Variants in PRDM15 observed in about 807,000 individuals in gnomAD.
PRDM15 encodes the protein PR/SET domain 15, also known as PR domain zinc finger protein 15.
A neutral mutation model predicts 128.6 loss-of-function variants in PRDM15; 64 were observed. The ratio of observed to expected loss-of-function variants is 0.50; its 90% CI spans 0.41 to 0.61. The LOEUF (loss-of-function observed/expected upper bound fraction) is 0.61. PRDM15 is among the 20% of genes least tolerant of loss of function. The pLI, the probability that PRDM15 is intolerant of heterozygous loss-of-function variation, is 0.00. For synonymous variants in PRDM15, 615 were observed against 621.8 expected (o/e 0.99, Z 0.16); for missense variants, 1,242 against 1,569.1 (o/e 0.79, Z 3.52).
rs202208616 is a variant in PRDM15 at position 41,861,999 on chromosome 21, C to T, written c.-9-1627G>A. On this transcript the variant is annotated intron_variant, in intron 1 of 23. Coordinates refer to ENST00000398548, the MANE Select transcript of PRDM15 (RefSeq NM_001040424.3). ...TCATAGCCGCATTCGGCCTTGCCTG[C>T]CCCAGTTCCTGTGGATGGGCACCTC... 286 of 1,612,192 alleles carry T rather than the reference C, an allele frequency of 1.8e-4. No homozygotes were observed. Among genetic ancestry groups the T allele is most frequent in the Admixed American group, 8.9e-4 (53 of 59,848 alleles).
Position 41,833,104 on chromosome 21 carries a change from G to T in PRDM15, c.1366+2333C>A, listed in dbSNP as rs550958965. On this transcript the variant is annotated intron_variant, in intron 11 of 23. Coordinates refer to ENST00000398548, the MANE Select transcript of PRDM15 (RefSeq NM_001040424.3). ...TGCAGGGCACCTGGGGATGGAGAGG[G>T]GATTATTGGGGGAGGCTGGTGGGCC... 1.4e-4 allele frequency among the ~76,000 whole-genome samples: 22 copies of T among 152,306 alleles called. No homozygotes were observed. In the South Asian group the frequency reaches 4.2e-3, roughly 29 times the overall value.
At chr21:41,843,435 C>T (rs941793128) in intron 6 of PRDM15, among the ~76,000 whole-genome samples, 4 of 152,146 alleles carry the variant, frequency 2.6e-5, no homozygotes, top group African/African-American at 9.7e-5. Flanking sequence ...TGCTCCTTTC[C>T]CTCAAAGGAT....
intron 1 of PRDM15, chr21:41,871,658 G>A: frequency 6.3e-7 from 1 of 1,582,362 alleles, no homozygotes; most frequent in South Asian, 1.1e-5. Flanking sequence ...GTAGACATGA[G>A]AAGCCCACTG....
chr21:41,871,627 G>C (rs1260555457), intron 1 of PRDM15: 11 of 1,604,538 alleles, frequency 6.9e-6, no homozygotes, highest in Non-Finnish European at 9.4e-6. Context: ...GGGACCTGTA[G>C]GCCAACAGTG....
chr21:41,830,910 C>G (rs988678904), intron 11 of PRDM15, among the ~76,000 whole-genome samples: 1 of 152,214 alleles, frequency 6.6e-6, no homozygotes, highest in Non-Finnish European at 1.5e-5. Flanking sequence ...CCTCACTGCC[C>G]AGTCCCTCAC....
intron 11 of PRDM15, among the ~76,000 whole-genome samples, chr21:41,833,474 C>T (rs1414799290): frequency 1.3e-5 from 2 of 152,234 alleles, no homozygotes; most frequent in Non-Finnish European, 2.9e-5. Context: ...GTGACTCCCA[C>T]ATTCTTGGTT....
At chr21:41,801,843 G>A (rs1855934221) in intron 23 of PRDM15, 121 bp from the exon 24 acceptor site, 2 of 1,133,800 alleles carry the variant, frequency 1.8e-6, no homozygotes, top group South Asian at 1.7e-5. Flanking sequence ...TGGTGAAAGA[G>A]GAAACCGAGT....
At chr21:41,868,630 A>G (rs1398941610) in intron 1 of PRDM15, among the ~76,000 whole-genome samples, 1 of 151,280 alleles carries the variant, frequency 6.6e-6, no homozygotes, top group African/African-American at 2.4e-5. Flanking sequence ...ACATGTATTA[A>G]TATTAATAAA....
chr21:41,839,462 G>A (rs1179100365), intron 7 of PRDM15, among the ~76,000 whole-genome samples, 161 bp downstream of exon 7: 1 of 152,200 alleles, frequency 6.6e-6, no homozygotes. Flanking sequence ...CTTTACTAGA[G>A]TTGATTGAGA....
rs773926508 is a variant in PRDM15 at position 41,867,348 on chromosome 21, TC to T, written c.-9-6977del. ...AGGGCTGGGGGCAGATTTTCCTGGTTCCCCCAGGAAAAGTTTTGTGCAAAGG... is the reference window on the plus strand; with the variant it reads ...AGGGCTGGGGGCAGATTTTCCTGGTTCCCCAGGAAAAGTTTTGTGCAAAGG... On this transcript the variant is annotated intron_variant, in intron 1 of 23. Coordinates refer to ENST00000398548, the MANE Select transcript of PRDM15 (RefSeq NM_001040424.3). 448 of 1,613,506 alleles carry T rather than the reference TC, an allele frequency of 2.8e-4. 4 individuals carry two copies. In the African/African-American group the frequency reaches 5.3e-3, roughly 19 times the overall value.
chr21:41,818,184 G>A (rs1272984458), intron 18 of PRDM15, among the ~76,000 whole-genome samples: 1 of 152,214 alleles, frequency 6.6e-6, no homozygotes, highest in Admixed American at 6.5e-5. Context: ...AGGAGCAGGT[G>A]GTGAAAGGGG....
At position 41,821,075 on chromosome 21, in the gene PRDM15, G is replaced by A. The variant is rs372152938; in HGVS notation, c.2052C>T (p.Asn684=). The A allele has an allele frequency of 5.3e-5, 86 of 1,614,202 alleles. No individual in the cohort carries two copies. The African/African-American group carries it at 8.1e-4, about 15-fold the overall frequency. ...VIHRENLPDP[N]VQKYIHPCEI... ...CCCCGACCAGGCCTCACTTCTGCACGTTGGGGTCCGGCAGGTTTTCACGGT... is the reference window on the plus strand; with the variant it reads ...CCCCGACCAGGCCTCACTTCTGCACATTGGGGTCCGGCAGGTTTTCACGGT... The change falls in exon 16 of 24, where the codon AAC becomes AAT. Residue 684 remains asparagine (N), a synonymous_variant. Transcript: ENST00000398548. The surrounding 1 kb of genome is among the most constrained non-coding windows in gnomAD (Gnocchi z 5.4).
rs997223879 is a variant in PRDM15 at position 41,798,394 on chromosome 21, A to G, written c.*2846T>C. On this transcript the variant is annotated 3_prime_UTR_variant, in exon 24 of 24. Coordinates refer to ENST00000398548, the MANE Select transcript of PRDM15 (RefSeq NM_001040424.3). ...GAGCCTTCCGCCTTTGGATGCCACA[A>G]ATGGGAACGATAGAGGTACAGGAGG... The G allele has an allele frequency of 5.3e-5, 8 of 152,258 alleles. No homozygotes were observed. The highest frequency in any genetic ancestry group is 1.9e-4 in the African/African-American group (8 of 41,444). The allele number at this position is 152,258 out of a possible 1,614,324, so 9.4% of individuals were successfully genotyped here. A position where few individuals can be genotyped will look rare whatever the true frequency, so the allele number is the denominator to read the frequency against.
intron 21 of PRDM15, among the ~76,000 whole-genome samples, chr21:41,806,726 T>C (rs1405478806): frequency 2.7e-5 from 2 of 72,816 alleles, no homozygotes; most frequent in African/African-American, 6.0e-5. Context: ...ATCACCACCA[T>C]CACCATCACC....
In PRDM15 at chr21:41,859,803, A is replaced by G. The variant is rs2063754519; in HGVS notation, c.38-118T>C. On this transcript the variant is annotated intron_variant, in intron 2 of 23. Transcript: ENST00000398548. The surrounding 1 kb of genome is among the most constrained non-coding windows in gnomAD (Gnocchi z 5.3). ...TGACCCAGAGTCATGAGACACATGC[A>G]TGCCGACACTGCAAAGACAAGCAAG... The G allele has an allele frequency of 2.6e-6, 2 of 781,132 alleles. No homozygotes were observed. The highest frequency in any genetic ancestry group is 4.3e-6 in the Non-Finnish European group (2 of 466,676). 48.4% of individuals were successfully genotyped at this position (781,132 alleles called of 1,614,324 possible). A position where few individuals can be genotyped will look rare whatever the true frequency, so the allele number is the denominator to read the frequency against.
chr21:41,809,829 C>T (rs190938811), intron 21 of PRDM15, among the ~76,000 whole-genome samples: 146 of 152,332 alleles, frequency 9.6e-4, no homozygotes, highest in African/African-American at 2.8e-3. Context: ...CCCAACACCA[C>T]GTGGAGCCCC....
chr21:41,859,458 G>C lies in PRDM15; in HGVS notation c.131+134C>G, dbSNP rs2063743297. On this transcript the variant is annotated intron_variant, in intron 3 of 23. Coordinates refer to ENST00000398548, the MANE Select transcript of PRDM15 (RefSeq NM_001040424.3). This position sits in a 1 kb window ranked among gnomAD's most constrained non-coding sequence, Gnocchi z 5.3. ...CGCTGCTCAGTTCACAGTGGGAGCG[G>C]AATCGCTGGCTCTCACTCAGAGTGC... 1.3e-6 allele frequency: 1 copy of C among 760,204 alleles called. No individual in the cohort carries two copies. Among genetic ancestry groups the C allele is most frequent in the Admixed American group, 2.7e-5 (1 of 36,948 alleles). 47.1% of individuals were successfully genotyped at this position (760,204 alleles called of 1,614,324 possible). A position where few individuals can be genotyped will look rare whatever the true frequency, so the allele number is the denominator to read the frequency against.
intron 1 of PRDM15, among the ~76,000 whole-genome samples, chr21:41,876,005 C>T (rs991873674): frequency 5.9e-5 from 9 of 152,306 alleles, no homozygotes; most frequent in Non-Finnish European, 1.5e-5. Context: ...CAAACCTGTA[C>T]AGCACTTAAC....
In PRDM15 at chr21:41,815,834, T is replaced by C; in HGVS notation, c.2263A>G (p.Met755Val). ...TGGCGCAGCGCGTGCTTGGTCTTCA[T>C]GCCTTCAAGGACACAGCGAGTCAGA... ...EYLCAECGKG[M>V]KTKHALRHHM... The change falls in exon 19 of 24, where the codon ATG (methionine) becomes GTG (valine). Residue 755 changes from methionine to valine, a missense_variant and splice_region_variant. Met to Val is a conservative substitution (Grantham distance 21). Transcript: ENST00000398548. The C allele has an allele frequency of 6.2e-7, 1 of 1,613,368 alleles. No individual in the cohort carries two copies. The highest frequency in any genetic ancestry group is 8.5e-7 in the Non-Finnish European group (1 of 1,179,856).
Sources: gnomAD v4.1 joint callset for allele counts (sites outside exome capture counted in the v4.1 genomes callset) on GRCh38, gnomAD v4.1.1 for gene constraint, Gnocchi (gnomAD v3.1) non-coding constraint, MANE v1.5 for transcripts, NCBI Gene and HGNC (gene_info 2026-07-23, HGNC 2026-07-21) for gene names.